Variants in PLB1 observed in about 807,000 individuals in gnomAD.
PLB1 encodes the protein phospholipase B1, also known as phospholipase B1, membrane-associated.
Under a neutral mutation model 227.4 loss-of-function variants are expected in PLB1, and 242 were observed. The ratio of observed to expected loss-of-function variants is 1.06; its 90% CI spans 0.96 to 1.18. PLB1 has a LOEUF of 1.18. Ranked by LOEUF, PLB1 falls within the 50% of genes most tolerant of loss-of-function variation. The pLI, the probability that PLB1 is intolerant of heterozygous loss-of-function variation, is 0.00. For synonymous variants in PLB1, 757 were observed against 682.2 expected (o/e 1.11, Z -1.71); for missense variants, 1,858 against 1,816.3 (o/e 1.02, Z -0.42).
chr2:28,618,702 C>T (rs144327083), intron 46 of PLB1, among the ~76,000 whole-genome samples: 1 of 152,190 alleles, frequency 6.6e-6, no homozygotes. Context: ...TCATTCAAGT[C>T]TGCCTGCCTT....
At chr2:28,538,095 G>A (rs1056971895) in intron 9 of PLB1, among the ~76,000 whole-genome samples, 2 of 152,162 alleles carry the variant, frequency 1.3e-5, no homozygotes, top group African/African-American at 4.8e-5. Context: ...GGGGAGTTTG[G>A]TTTTTCCCAG....
rs113064180 is a variant in PLB1, at chr2:28,579,106, C to T, written c.1486-521C>T. Among the ~76,000 whole-genome samples the T allele has an allele frequency of 8.9e-3, 1,354 of 152,288 alleles. 25 individuals are homozygous for T. Among genetic ancestry groups the T allele is most frequent in the African/African-American group, 0.031 (1,287 of 41,558 alleles). On this transcript the variant is annotated intron_variant, in intron 22 of 57. Transcript: ENST00000327757. ...CAGAGCTTGTGCTTAGAGCTGCCAC[C>T]TTACCCTACTCAGCCTCTCTGGCTT...
intron 5 of PLB1, 35 bp from the exon 6 acceptor site, chr2:28,525,870 C>T (rs774768943): frequency 1.4e-5 from 23 of 1,612,094 alleles, no homozygotes; most frequent in Middle Eastern, 1.6e-4. Flanking sequence ...GACACAAATG[C>T]AGCCTGACAC....
At position 28,602,823 on chromosome 2, in the gene PLB1, G is replaced by A. The variant is rs1330416825; in HGVS notation, c.2676G>A (p.Val892=). Residue 892 remains valine, a splice_region_variant and synonymous_variant, in exon 39 of 58, where the codon GTG becomes GTA. Transcript: ENST00000327757. The stretch of plus-strand genomic sequence containing the variant: ...CTCATCTGCAGCTTTTCCCTTAGGT[G>A]CCCAGAGTCCTGGTCAACCTCGTGG... ...RNALDVLHRE[V]PRVLVNLVDF... is the part of the protein sequence containing the mutation. The A allele has an allele frequency of 6.2e-7, 1 of 1,613,962 alleles. No homozygotes were observed. Among genetic ancestry groups the A allele is most frequent in the Non-Finnish European group, 8.5e-7 (1 of 1,179,848 alleles).
intron 25 of PLB1, 119 bp from the exon 26 acceptor site, chr2:28,585,642 C>A: frequency 1.2e-6 from 1 of 849,636 alleles, no homozygotes; most frequent in South Asian, 1.5e-5. Context: ...CTCATTAGCA[C>A]AGATCTCTGA....
At position 28,523,249 on chromosome 2, in the gene PLB1, A is replaced by T. The variant is rs1372039093; in HGVS notation, c.244-2018A>T. On this transcript the variant is annotated intron_variant, in intron 4 of 57. Coordinates refer to ENST00000327757, the MANE Select transcript of PLB1 (RefSeq NM_153021.5). ...CGTGCACACACATATATACATTCTCATTCTCCAATGTATAGCAATACATAG... is the reference window on the plus strand; with the variant it reads ...CGTGCACACACATATATACATTCTCTTTCTCCAATGTATAGCAATACATAG... Among the ~76,000 whole-genome samples, 5 of 151,444 alleles carry T rather than the reference A, an allele frequency of 3.3e-5. No homozygotes were observed. In the East Asian group the frequency reaches 9.7e-4, roughly 29 times the overall value.
chr2:28,606,603 A>T, intron 43 of PLB1, 36 bp downstream of exon 43: 1 of 1,589,442 alleles, frequency 6.3e-7, no homozygotes. Flanking sequence ...CCTCTCCACA[A>T]ACCAGGGCAC....
chr2:28,532,052 T>C, intron 8 of PLB1, 56 bp from the exon 9 acceptor site: 1 of 1,309,340 alleles, frequency 7.6e-7, no homozygotes, highest in Non-Finnish European at 1.1e-6. Context: ...AAAGACATTA[T>C]TTTGGTTCAA....
intron 49 of PLB1, among the ~76,000 whole-genome samples, chr2:28,623,620 TAC>T (rs1687340356): frequency 6.6e-6 from 1 of 152,138 alleles, no homozygotes; most frequent in South Asian, 2.1e-4. Context: ...TTTGGCCACG[TAC>T]CTAGCTTACC....
chr2:28,625,042 C>G lies in PLB1; in HGVS notation c.3528-15C>G. The G allele has an allele frequency of 6.2e-7, 1 of 1,613,038 alleles. No individual in the cohort carries two copies. On this transcript the variant is annotated splice_polypyrimidine_tract_variant and intron_variant, in intron 49 of 57. Transcript: ENST00000327757. ...TGAGCCGGCACTAACGCCCCTCTCT[C>G]TACCCCCCACCTAGGGACATGCCAG...
chr2:28,560,253 A>G (rs1030013441), intron 17 of PLB1, among the ~76,000 whole-genome samples: 3 of 152,172 alleles, frequency 2.0e-5, no homozygotes, highest in Admixed American at 6.5e-5. Context: ...ATAGAAGCAC[A>G]TCGGCAAAGG....
intron 44 of PLB1, among the ~76,000 whole-genome samples, chr2:28,616,081 G>A (rs1223432532): frequency 6.6e-6 from 1 of 152,234 alleles, no homozygotes; most frequent in African/African-American, 2.4e-5. Flanking sequence ...AGGGTGGATG[G>A]TGGTTGGGGA....
chr2:28,571,389 C>T (rs190408906), intron 20 of PLB1, among the ~76,000 whole-genome samples: 50 of 152,288 alleles, frequency 3.3e-4, no homozygotes, highest in African/African-American at 1.0e-3. Flanking sequence ...CATCAATCTA[C>T]GGATTCAATG....
intron 17 of PLB1, among the ~76,000 whole-genome samples, chr2:28,559,823 C>T (rs751273363): frequency 1.1e-4 from 15 of 142,178 alleles, no homozygotes; most frequent in African/African-American, 7.8e-5. Context: ...GCAATCTCGG[C>T]TCACTGCAGC....
intron 21 of PLB1, 136 bp downstream of exon 21, chr2:28,573,441 A>G: frequency 1.5e-6 from 1 of 667,890 alleles, no homozygotes; most frequent in East Asian, 2.7e-5. Context: ...AAGCCTGGAC[A>G]GAGCTCTCTT....
At chr2:28,642,820 G>A (rs372898313) in intron 57 of PLB1, 38 bp from the exon 58 acceptor site, 76 of 1,519,584 alleles carry the variant, frequency 5.0e-5, no homozygotes, top group Middle Eastern at 1.7e-4. Context: ...GATGGTTCAC[G>A]GAGATCCTTT....
rs1442550569 is a variant in PLB1, at chr2:28,589,665, C to T, written c.1921-10C>T. Reference sequence around the variant, plus strand: ...CTATAACTGCCTCTCTTTTTCTGCCCGGTGACCAGGAAGGATTGCCTGACA... The same window carrying T: ...CTATAACTGCCTCTCTTTTTCTGCCTGGTGACCAGGAAGGATTGCCTGACA... On this transcript the variant is annotated splice_polypyrimidine_tract_variant and intron_variant, in intron 27 of 57. Coordinates refer to ENST00000327757, the MANE Select transcript of PLB1 (RefSeq NM_153021.5). 2.6e-5 allele frequency: 42 copies of T among 1,613,572 alleles called. No homozygotes were observed. Among genetic ancestry groups the T allele is most frequent in the Middle Eastern group, 3.3e-4 (2 of 6,084 alleles).
intron 53 of PLB1, 150 bp downstream of exon 53, chr2:28,629,335 C>G (rs1197564784): frequency 1.6e-6 from 1 of 606,264 alleles, no homozygotes; most frequent in Non-Finnish European, 2.8e-6. Flanking sequence ...CAGGAAGTAC[C>G]TCTACATTTG....
chr2:28,562,561 T>TAAAAAAAAAAAAAAAA (rs1476459163), intron 17 of PLB1, among the ~76,000 whole-genome samples: 1 of 43,874 alleles, frequency 2.3e-5, no homozygotes. Flanking sequence ...AAAAAAAAAG[T>TAAAAAAAAAAAAAAAA]CAGTGGCATA....
Sources: allele counts gnomAD v4.1 joint callset (sites outside exome capture counted in the v4.1 genomes callset), GRCh38; gene constraint gnomAD v4.1.1; transcripts MANE v1.5; gene names NCBI Gene and HGNC (gene_info 2026-07-23, HGNC 2026-07-21).